RYK: variants seen among roughly 807,000 people sequenced by gnomAD.
RYK encodes inactive tyrosine-protein kinase RYK.
Under a neutral mutation model 70.2 loss-of-function variants are expected in RYK, and 21 were observed. The ratio of observed to expected loss-of-function variants is 0.30; its 90% CI spans 0.21 to 0.43. The LOEUF (loss-of-function observed/expected upper bound fraction) is 0.43, where lower values mean the gene tolerates loss of function less well. RYK is among the 20% of genes least tolerant of loss of function. RYK has a pLI of 1.00. For synonymous variants in RYK, 267 were observed against 278.0 expected (o/e 0.96, Z 0.39); for missense variants, 604 against 753.3 (o/e 0.80, Z 2.32).
chr3:134,241,924 C>T (rs377006022), intron 1 of RYK, among the ~76,000 whole-genome samples: 16 of 152,224 alleles, frequency 1.1e-4, no homozygotes, highest in Non-Finnish European at 1.9e-4. Context: ...CAGCAAGATA[C>T]GCTCTTCCTC....
At chr3:134,187,093 A>T (rs2013489930) in intron 9 of RYK, among the ~76,000 whole-genome samples, 1 of 152,218 alleles carries the variant, frequency 6.6e-6, no homozygotes. Context: ...GGAAGGGGTG[A>T]ATGAATAAAA....
chr3:134,214,972 C>T (rs1467137366), intron 2 of RYK, among the ~76,000 whole-genome samples: 5 of 152,194 alleles, frequency 3.3e-5, no homozygotes, highest in Non-Finnish European at 5.9e-5. Context: ...ATATCTTAAT[C>T]GTCAATTTCT....
chr3:134,230,857 A>C (rs1015521621), intron 1 of RYK, among the ~76,000 whole-genome samples: 2 of 152,214 alleles, frequency 1.3e-5, no homozygotes, highest in Admixed American at 1.3e-4. Context: ...AGATGGAAAA[A>C]AGGAATTAAC....
At chr3:134,195,011 C>T in intron 7 of RYK, 71 bp downstream of exon 7, 3 of 1,035,280 alleles carry the variant, frequency 2.9e-6, no homozygotes, top group Non-Finnish European at 4.5e-6. Context: ...AGTACACTAA[C>T]CATGCAAGAC....
At chr3:134,165,573 C>T (rs891586033) in intron 13 of RYK, among the ~76,000 whole-genome samples, 1 of 152,134 alleles carries the variant, frequency 6.6e-6, no homozygotes, top group East Asian at 1.9e-4. Context: ...CTGGTGTGCC[C>T]CAAGTGCCAA....
intron 6 of RYK, chr3:134,195,402 C>T (rs1475558483): frequency 1.4e-5 from 6 of 417,804 alleles, no homozygotes; most frequent in African/African-American, 8.5e-5. Flanking sequence ...GCGAGTTCAT[C>T]TTATCAAAAT....
intron 14 of RYK, among the ~76,000 whole-genome samples, chr3:134,158,646 C>T (rs1292190087): frequency 6.6e-6 from 1 of 152,166 alleles, no homozygotes; most frequent in Non-Finnish European, 1.5e-5. Context: ...AGTACAAAAG[C>T]TGCCACCTTG....
intron 1 of RYK, among the ~76,000 whole-genome samples, chr3:134,224,296 G>A (rs1331641581): frequency 2.0e-5 from 3 of 152,136 alleles, no homozygotes; most frequent in African/African-American, 2.4e-5. Context: ...CGTGTCCGAC[G>A]GACAGGGGGC....
At chr3:134,243,089 T>C (rs1284807776) in intron 1 of RYK, among the ~76,000 whole-genome samples, 1 of 152,120 alleles carries the variant, frequency 6.6e-6, no homozygotes, top group Non-Finnish European at 1.5e-5. Context: ...CCACCAAGCA[T>C]GGGCTCTGAG....
chr3:134,195,231 A>C, intron 6 of RYK, 49 bp from the exon 7 acceptor site: 1 of 1,417,870 alleles, frequency 7.1e-7, no homozygotes, highest in Non-Finnish European at 9.9e-7. Context: ...TTTCAATGAG[A>C]AATTTCCTTT....
intron 14 of RYK, 103 bp from the exon 15 acceptor site, chr3:134,158,367 GGA>G (rs2012323682): frequency 4.0e-6 from 2 of 500,858 alleles, no homozygotes; most frequent in East Asian, 6.7e-5. Flanking sequence ...AGGTGGGTAT[GGA>G]GAGGATGATA....
At chr3:134,241,075 C>T (rs1445581972) in intron 1 of RYK, among the ~76,000 whole-genome samples, 5 of 149,276 alleles carry the variant, frequency 3.3e-5, no homozygotes, top group African/African-American at 1.2e-4. Context: ...AATCCCAGCA[C>T]TTTGGGAAGC....
At chr3:134,250,282 C>A (rs2015578309) in intron 1 of RYK, 141 bp downstream of exon 1, 1 of 379,852 alleles carries the variant, frequency 2.6e-6, no homozygotes, top group Non-Finnish European at 4.5e-6. Context: ...AGGCAGAGAC[C>A]GGGCCGCGAG....
intron 1 of RYK, 60 bp from the exon 2 acceptor site, chr3:134,222,599 T>A: frequency 7.4e-7 from 1 of 1,347,062 alleles, no homozygotes; most frequent in East Asian, 2.5e-5. Flanking sequence ...ATCATCCCTA[T>A]CAGTATTTCA....
Position 134,222,451 on chromosome 3 carries a change from A to G in RYK, c.321T>C (p.Asn107=). 6.2e-7 allele frequency: 1 copy of G among 1,613,484 alleles called. No homozygotes were observed. Among genetic ancestry groups the G allele is most frequent in the Non-Finnish European group, 8.5e-7 (1 of 1,179,742 alleles). The stretch of plus-strand genomic sequence containing the variant: ...TCGCATGCCAGGTGAAGTGCAGGAA[A>G]TTTGTCTCACTGGGTACTAACAGAC... ...SFSLLVPSET[N]FLHFTWHAKS... The change falls in exon 2 of 15, where the codon AAT becomes AAC. Residue 107 remains asparagine (N), a synonymous_variant. Transcript: ENST00000623711.
chr3:134,198,270 G>C (rs2013875781), intron 6 of RYK, among the ~76,000 whole-genome samples: 1 of 152,192 alleles, frequency 6.6e-6, no homozygotes, highest in African/African-American at 2.4e-5. Flanking sequence ...AATGAAGTCA[G>C]AACTTTGGGA....
chr3:134,197,250 T>A (rs1413502384), intron 6 of RYK, among the ~76,000 whole-genome samples: 2 of 152,264 alleles, frequency 1.3e-5, no homozygotes. Context: ...CTATATGAGT[T>A]TATAATGCAG....
chr3:134,237,452 G>A (rs947517807), intron 1 of RYK, among the ~76,000 whole-genome samples: 1 of 152,132 alleles, frequency 6.6e-6, no homozygotes. Flanking sequence ...TGAATGGCTG[G>A]CTGTCGATAA....
intron 13 of RYK, 40 bp from the exon 14 acceptor site, chr3:134,159,413 ACAACAGTCAGGGGG>A (rs770373567): frequency 3.4e-5 from 53 of 1,544,022 alleles, no homozygotes; most frequent in African/African-American, 1.4e-5. Flanking sequence ...GACATTTAAA[ACAACAGTCAGGGGG>A]CTAGCGCCCA....
Sources: allele counts gnomAD v4.1 joint callset (sites outside exome capture counted in the v4.1 genomes callset), GRCh38; gene constraint gnomAD v4.1.1; transcripts MANE v1.5; gene names NCBI Gene and HGNC (gene_info 2026-07-23, HGNC 2026-07-21).